DELE1: variants seen among roughly 807,000 people sequenced by gnomAD.
DELE1 encodes the protein DAP3 binding cell death enhancer 1, also known as death ligand signal enhancer.
A neutral mutation model predicts 59.3 loss-of-function variants in DELE1; 54 were observed. The observed-to-expected ratio is 0.91, with a 90% confidence interval of 0.73 to 1.14. DELE1 has a LOEUF of 1.14. Among genes scored for constraint, DELE1 ranks in the 50% most tolerant of loss-of-function variants. The probability of loss-of-function intolerance (pLI) is 0.00; values close to 1 mark genes in which losing one functional copy is unlikely to be tolerated. For missense variants in DELE1, 636 were observed against 643.9 expected, an observed-to-expected ratio of 0.99 and a Z score of 0.13; for synonymous variants, 264 against 259.1, an observed-to-expected ratio of 1.02 and a Z score of -0.18.
rs767686030 is a variant in DELE1, at chr5:141,938,672, C to T, written c.1461C>T (p.Leu487=). 51 of 1,614,038 alleles carry T rather than the reference C, an allele frequency of 3.2e-5. No homozygotes were observed. Among genetic ancestry groups the T allele is most frequent in the Non-Finnish European group, 4.1e-5 (48 of 1,180,042 alleles). ...GCCTCCTCTGCAGAAGTGGGCATCT[C>T]GGAGCCAGCCTGGAAGCCTCCAGCA... ...NLGLLCRSGH[L]GASLEASSRA... is the part of the protein sequence containing the mutation. Residue 487 remains leucine (L), a synonymous_variant, in exon 12 of 12, where the codon CTC becomes CTT. Transcript: ENST00000432126.
At chr5:141,925,389 G>A in intron 2 of DELE1, 21 bp from the exon 3 acceptor site, 1 of 1,510,944 alleles carries the variant, frequency 6.6e-7, no homozygotes, top group Non-Finnish European at 9.0e-7. Context: ...CTACTTGATA[G>A]CCTCTTATTT....
chr5:141,936,725 G>A (rs1561522085), intron 10 of DELE1: 3 of 306,748 alleles, frequency 9.8e-6, no homozygotes, highest in Non-Finnish European at 1.4e-5. Flanking sequence ...GAGCCACCGC[G>A]CCCAGGCCAA....
Position 141,929,435 on chromosome 5 carries a change from A to C in DELE1, c.413-147A>C, listed in dbSNP as rs989228744. On this transcript the variant is annotated intron_variant, in intron 4 of 11. Transcript: ENST00000432126. ...CGCTAATTTTTTGTATTTTTAGTAC[A>C]GATGGGGTTTCACCATGTTGGCCAG... The C allele has an allele frequency of 5.2e-6, 4 of 762,454 alleles. No individual in the cohort carries two copies. In the African/African-American group the frequency reaches 7.0e-5, roughly 13 times the overall value. 47.2% of individuals were successfully genotyped at this position (762,454 alleles called of 1,614,324 possible).
intron 7 of DELE1, among the ~76,000 whole-genome samples, chr5:141,930,977 GTGAT>G (rs1751863706): frequency 6.6e-6 from 1 of 152,188 alleles, no homozygotes; most frequent in Non-Finnish European, 1.5e-5. Context: ...TGGGGATACA[GTGAT>G]TTACAAGACA....
chr5:141,926,805 G>C (rs1392026148), intron 3 of DELE1, among the ~76,000 whole-genome samples: 2 of 152,232 alleles, frequency 1.3e-5, no homozygotes, highest in Non-Finnish European at 2.9e-5. Flanking sequence ...GAGCCCTAGG[G>C]CTGTCCCATA....
At chr5:141,932,986 T>G (rs1752032863) in intron 7 of DELE1, among the ~76,000 whole-genome samples, 1 of 151,374 alleles carries the variant, frequency 6.6e-6, no homozygotes, top group African/African-American at 2.4e-5. Context: ...ACCCAGCTAC[T>G]TGGGAGGCTG....
Position 141,940,071 on chromosome 5 carries a change from G to A in DELE1, c.*1312G>A, listed in dbSNP as rs1209642145. The A allele has an allele frequency of 1.0e-6, 1 of 985,366 alleles. No homozygotes were observed. The highest frequency in any genetic ancestry group is 1.2e-6 in the Non-Finnish European group (1 of 829,858). 61.0% of individuals were successfully genotyped at this position (985,366 alleles called of 1,614,324 possible). A position where few individuals can be genotyped will look rare whatever the true frequency, so the allele number is the denominator to read the frequency against. On this transcript the variant is annotated 3_prime_UTR_variant, in exon 12 of 12. Coordinates refer to ENST00000432126, the MANE Select transcript of DELE1 (RefSeq NM_014773.5). ...ATGCTAGGAGTCTTAAAGCTGGAGA[G>A]TATAGATTTTGAGGTCCCCATTTGG...
At chr5:141,937,598 G>A (rs1000894208) in intron 11 of DELE1, among the ~76,000 whole-genome samples, 1 of 150,124 alleles carries the variant, frequency 6.7e-6, no homozygotes, top group Non-Finnish European at 1.5e-5. Context: ...GTGAAACCCC[G>A]TCTCTATTAA....
chr5:141,941,718 CTA>C lies in DELE1; in HGVS notation c.*2961_*2962del, dbSNP rs1347602362. ...ATGCTGTTTTCAGGGAGTCCTGACA[CTA>C]TGATGGGAACAAGGCTATTTGGTTT... On this transcript the variant is annotated 3_prime_UTR_variant, in exon 12 of 12. Coordinates refer to ENST00000432126, the MANE Select transcript of DELE1 (RefSeq NM_014773.5). The C allele has an allele frequency of 5.1e-6, 5 of 985,174 alleles. No homozygotes were observed. Among genetic ancestry groups the C allele is most frequent in the Non-Finnish European group, 6.0e-6 (5 of 829,924 alleles). 61.0% of individuals were successfully genotyped at this position (985,174 alleles called of 1,614,324 possible).
chr5:141,937,821 G>A (rs1752492480), intron 11 of DELE1, among the ~76,000 whole-genome samples: 2 of 148,940 alleles, frequency 1.3e-5, no homozygotes, highest in South Asian at 4.3e-4. Flanking sequence ...AGACAAACCT[G>A]AGTTTTTTTT....
chr5:141,937,450 C>A, intron 11 of DELE1, 93 bp downstream of exon 11: 3 of 1,420,614 alleles, frequency 2.1e-6, no homozygotes, highest in Non-Finnish European at 2.9e-6. Context: ...GTCTCCTAGT[C>A]ATTTCCAACC....
intron 3 of DELE1, among the ~76,000 whole-genome samples, chr5:141,927,523 G>A (rs765937120): frequency 6.6e-6 from 1 of 152,192 alleles, no homozygotes; most frequent in Non-Finnish European, 1.5e-5. Flanking sequence ...ATAACATAAG[G>A]AGAGACAGGA....
chr5:141,940,483 G>C lies in DELE1; in HGVS notation c.*1724G>C. ...GACTGAGTGGAGACCAACCAGCCTG[G>C]CCAATTCAAAGGCAAGAAGATTTGA... is the stretch of plus-strand genomic sequence containing the variant. On this transcript the variant is annotated 3_prime_UTR_variant, in exon 12 of 12. Coordinates refer to ENST00000432126, the MANE Select transcript of DELE1 (RefSeq NM_014773.5). 1 of 985,426 alleles carries C rather than the reference G, an allele frequency of 1.0e-6. No individual in the cohort carries two copies. Among genetic ancestry groups the C allele is most frequent in the Non-Finnish European group, 1.2e-6 (1 of 829,988 alleles). The allele number at this position is 985,426 out of a possible 1,614,324, so 61.0% of individuals were successfully genotyped here. A position where few individuals can be genotyped will look rare whatever the true frequency, so the allele number is the denominator to read the frequency against.
chr5:141,925,507 C>G lies in DELE1; in HGVS notation c.244C>G (p.Leu82Val). 4 of 1,593,684 alleles carry G rather than the reference C, an allele frequency of 2.5e-6. No individual in the cohort carries two copies. The highest frequency in any genetic ancestry group is 3.4e-6 in the Non-Finnish European group (4 of 1,170,074). Residue 82 changes from leucine (L) to valine (V), a missense_variant, in exon 3 of 12, where the codon CTA (leucine) becomes GTA (valine). Coordinates refer to ENST00000432126, the MANE Select transcript of DELE1 (RefSeq NM_014773.5). ...WMSSRVSPNT[L>V]WDAISWGTLA... is the part of the protein sequence containing the mutation. ...GTCTTCCCGTGTCTCCCCGAACACC[C>G]TATGGGATGCCATATCTTGGGTAAG...
In DELE1 at chr5:141,924,623, C is replaced by G. The variant is rs756671539; in HGVS notation, c.74C>G (p.Pro25Arg). Residue 25 changes from proline to arginine, a missense_variant, in exon 2 of 12, where the codon CCT (proline) becomes CGT (arginine). Coordinates refer to ENST00000432126, the MANE Select transcript of DELE1 (RefSeq NM_014773.5). ...GGACCTAGCCTCTGGAGGGTGACTC[C>G]TAAGTCCACCAGCCCAGATGGGCCT... ...TLGPSLWRVT[P>R]KSTSPDGPQT... 1.9e-5 allele frequency: 31 copies of G among 1,614,028 alleles called. No individual in the cohort carries two copies. The highest frequency in any genetic ancestry group is 2.5e-5 in the Non-Finnish European group (30 of 1,179,980).
Position 141,925,499 on chromosome 5 carries a change from C to G in DELE1, c.236C>G (p.Pro79Arg). 6.2e-7 allele frequency: 1 copy of G among 1,602,114 alleles called. No individual in the cohort carries two copies. The stretch of plus-strand genomic sequence containing the variant: ...CAATGGATGTCTTCCCGTGTCTCCC[C>G]GAACACCCTATGGGATGCCATATCT... ...AFQWMSSRVS[P>R]NTLWDAISWG... The change falls in exon 3 of 12, where the codon CCG becomes CGG. Residue 79 changes from proline (P) to arginine (R), a missense_variant. By Grantham distance (103) the Pro-to-Arg change is moderately radical. Coordinates refer to ENST00000432126, the MANE Select transcript of DELE1 (RefSeq NM_014773.5).
rs368463672 is a variant in DELE1 at position 141,940,064 on chromosome 5, C to T, written c.*1305C>T. The T allele has an allele frequency of 3.0e-6, 3 of 985,322 alleles. No homozygotes were observed. Among genetic ancestry groups the T allele is most frequent in the East Asian group, 1.1e-4 (1 of 8,806 alleles). 61.0% of individuals were successfully genotyped at this position (985,322 alleles called of 1,614,324 possible). A position where few individuals can be genotyped will look rare whatever the true frequency, so the allele number is the denominator to read the frequency against. Reference sequence around the variant, plus strand: ...AGATTGAATGCTAGGAGTCTTAAAGCTGGAGAGTATAGATTTTGAGGTCCC... The same window carrying T: ...AGATTGAATGCTAGGAGTCTTAAAGTTGGAGAGTATAGATTTTGAGGTCCC... On this transcript the variant is annotated 3_prime_UTR_variant, in exon 12 of 12. Coordinates refer to ENST00000432126, the MANE Select transcript of DELE1 (RefSeq NM_014773.5).
chr5:141,936,530 G>A (rs1360819094), intron 10 of DELE1, among the ~76,000 whole-genome samples: 2 of 152,196 alleles, frequency 1.3e-5, no homozygotes, highest in Admixed American at 1.3e-4. Flanking sequence ...CGCCTCCCGG[G>A]TTCACATGAT....
chr5:141,935,472 C>T lies in DELE1; in HGVS notation c.1149+886C>T, dbSNP rs543101866. On this transcript the variant is annotated intron_variant, in intron 10 of 11. Coordinates refer to ENST00000432126, the MANE Select transcript of DELE1 (RefSeq NM_014773.5). ...CTTGGATTAAATCAAGCAATATATG[C>T]GTGAACTGTAATCTCCCTACATAGG... Among the ~76,000 whole-genome samples the T allele has an allele frequency of 4.6e-5, 7 of 152,326 alleles. No individual in the cohort carries two copies. The South Asian group carries it at 1.2e-3, about 27-fold the overall frequency.
Sources: gnomAD v4.1 joint callset for allele counts (sites outside exome capture counted in the v4.1 genomes callset) on GRCh38, gnomAD v4.1.1 for gene constraint, MANE v1.5 for transcripts, NCBI Gene and HGNC (gene_info 2026-07-23, HGNC 2026-07-21) for gene names.